Variants in PLEKHG7 observed in about 807,000 individuals in gnomAD.
PLEKHG7 encodes the protein pleckstrin homology domain-containing family G member 7.
A neutral mutation model predicts 85.2 loss-of-function variants in PLEKHG7; 77 were observed. The ratio of observed to expected loss-of-function variants is 0.90; its 90% confidence interval spans 0.75 to 1.09. The LOEUF (loss-of-function observed/expected upper bound fraction) is 1.09. Among genes scored for constraint, PLEKHG7 ranks in the 50% least tolerant of loss-of-function variants. PLEKHG7 has a pLI of 0.00. For missense variants in PLEKHG7, 777 were observed against 804.3 expected, an observed-to-expected ratio of 0.97 and a Z score of 0.41; for synonymous variants, 301 against 302.4, an observed-to-expected ratio of 1.00 and a Z score of 0.05.
chr12:92,763,569 C>A (rs1873097877), intron 14 of PLEKHG7, among the ~76,000 whole-genome samples: 1 of 152,096 alleles, frequency 6.6e-6, no homozygotes, highest in Admixed American at 6.5e-5. Flanking sequence ...AATCCCAGCA[C>A]TTTAGGAGGC....
At chr12:92,768,841 T>A (rs1873302506) in intron 15 of PLEKHG7, 142 bp from the exon 16 acceptor site, 3 of 540,768 alleles carry the variant, frequency 5.5e-6, no homozygotes, top group Non-Finnish European at 9.5e-6. Flanking sequence ...TAAAAAAAAA[T>A]TATAAGCTAG....
At chr12:92,721,702 C>CAAAA (rs71069170) in intron 3 of PLEKHG7, among the ~76,000 whole-genome samples, 1 of 43,368 alleles carries the variant, frequency 2.3e-5, no homozygotes, top group Non-Finnish European at 4.4e-5. Context: ...AGCATAAAAC[C>CAAAA]AAAAAAAAAA....
chr12:92,735,513 G>A (rs953147833), intron 5 of PLEKHG7, among the ~76,000 whole-genome samples: 2 of 152,112 alleles, frequency 1.3e-5, no homozygotes, highest in African/African-American at 2.4e-5. Context: ...TGCCAATATC[G>A]TGCACTCTGA....
chr12:92,745,340 T>C, intron 9 of PLEKHG7, 138 bp from the exon 10 acceptor site: 1 of 604,706 alleles, frequency 1.7e-6, no homozygotes, highest in South Asian at 2.1e-5. Context: ...CATGCAGTTG[T>C]GGCGCCTGCT....
intron 11 of PLEKHG7, 36 bp from the exon 12 acceptor site, chr12:92,755,789 C>A (rs773178997): frequency 1.5e-6 from 2 of 1,359,810 alleles, no homozygotes; most frequent in South Asian, 2.4e-5. Flanking sequence ...ATGTCATATG[C>A]ACCTAAAAAT....
chr12:92,715,055 G>A (rs2095156723), intron 3 of PLEKHG7, among the ~76,000 whole-genome samples: 1 of 150,188 alleles, frequency 6.7e-6, no homozygotes, highest in Admixed American at 6.6e-5. Context: ...TAGATAGATA[G>A]ATAGATAGAT....
At chr12:92,737,665 G>A (rs1056487508) in intron 7 of PLEKHG7, 144 bp downstream of exon 7, 12 of 598,856 alleles carry the variant, frequency 2.0e-5, no homozygotes, top group Non-Finnish European at 2.8e-5. Context: ...AGAAAGGAAG[G>A]AAGGAAAGGA....
intron 5 of PLEKHG7, among the ~76,000 whole-genome samples, chr12:92,735,714 A>ATAAGC (rs1210315336): frequency 6.6e-6 from 1 of 152,228 alleles, no homozygotes; most frequent in Non-Finnish European, 1.5e-5. Flanking sequence ...TGTTCACAAT[A>ATAAGC]TAAGCTTAAA....
Position 92,761,607 on chromosome 12 carries a change from A to AAAAGAAAGAAAGAAGAAAGAAAG in PLEKHG7, c.1637-131_1637-130insGAAAGAAAGAAAGAAAGAAAGAA, listed in dbSNP as rs1872997267. 3 of 1,022,406 alleles carry AAAAGAAAGAAAGAAGAAAGAAAG rather than the reference A, an allele frequency of 2.9e-6. No individual in the cohort carries two copies. The African/African-American group carries it at 5.5e-5, about 19-fold the overall frequency. The allele number at this position is 1,022,406 out of a possible 1,614,324, so 63.3% of individuals were successfully genotyped here. A position where few individuals can be genotyped will look rare whatever the true frequency, so the allele number is the denominator to read the frequency against. On this transcript the variant is annotated intron_variant, in intron 13 of 16. Coordinates refer to ENST00000344636, the MANE Select transcript of PLEKHG7 (RefSeq NM_001377329.1). ...AAGAGAGAATGAAAAGAAAGAAAGA[A>AAAAGAAAGAAAGAAGAAAGAAAG]AAAGAAAGAAAGAAAGAAGAAAGAA...
intron 14 of PLEKHG7, among the ~76,000 whole-genome samples, chr12:92,762,424 A>G (rs530726403): frequency 1.3e-5 from 2 of 152,232 alleles, no homozygotes; most frequent in Non-Finnish European, 2.9e-5. Flanking sequence ...AGACTAAATT[A>G]GTCAACTGGG....
chr12:92,736,382 C>A, intron 5 of PLEKHG7, 100 bp from the exon 6 acceptor site: 1 of 683,618 alleles, frequency 1.5e-6, no homozygotes, highest in Non-Finnish European at 2.1e-6. Context: ...CATCTCTTAT[C>A]ATGAATGTTA....
chr12:92,729,133 C>T lies in PLEKHG7; in HGVS notation c.658+13C>T, dbSNP rs766745910. The T allele has an allele frequency of 2.4e-6, 3 of 1,231,614 alleles. No individual in the cohort carries two copies. The highest frequency in any genetic ancestry group is 3.0e-6 in the Non-Finnish European group (3 of 987,680). 76.3% of individuals were successfully genotyped at this position (1,231,614 alleles called of 1,614,324 possible). On this transcript the variant is annotated intron_variant, in intron 4 of 16. Coordinates refer to ENST00000344636, the MANE Select transcript of PLEKHG7 (RefSeq NM_001377329.1). ...CTGCTGAATTCAGGTTCTGTTCATT[C>T]AGTATACTTTCATTCCATGCCCACT...
rs373132288 is a variant in PLEKHG7, at chr12:92,756,428, T to C, written c.1636+37T>C. 9 of 1,484,688 alleles carry C rather than the reference T, an allele frequency of 6.1e-6. No homozygotes were observed. The African/African-American group carries it at 1.2e-4, about 21-fold the overall frequency. The allele number at this position is 1,484,688 out of a possible 1,614,324, so 92.0% of individuals were successfully genotyped here. On this transcript the variant is annotated intron_variant, in intron 13 of 16. Coordinates refer to ENST00000344636, the MANE Select transcript of PLEKHG7 (RefSeq NM_001377329.1). ...CTTCCTTTAAAAAACCCAACATCTG[T>C]GCCGCCTTGTAACTTGTTTGACTGC...
At chr12:92,742,775 G>A (rs1007355032) in intron 9 of PLEKHG7, among the ~76,000 whole-genome samples, 1 of 151,758 alleles carries the variant, frequency 6.6e-6, no homozygotes, top group Non-Finnish European at 1.5e-5. Context: ...TAGTAGAGAT[G>A]GGGTTTCACC....
At chr12:92,750,249 G>A (rs1207863651) in intron 10 of PLEKHG7, among the ~76,000 whole-genome samples, 2 of 151,822 alleles carry the variant, frequency 1.3e-5, no homozygotes, top group Admixed American at 1.3e-4. Flanking sequence ...CAATAAAAAG[G>A]CCTTTTATGT....
chr12:92,723,000 A>G (rs533235330), intron 3 of PLEKHG7, among the ~76,000 whole-genome samples: 1 of 151,410 alleles, frequency 6.6e-6, no homozygotes, highest in East Asian at 1.9e-4. Context: ...TGGGTCGGAA[A>G]AGATTTATGG....
Position 92,761,845 on chromosome 12 carries a change from A to G in PLEKHG7, c.1716+14A>G. 1.9e-6 allele frequency: 3 copies of G among 1,558,636 alleles called. No homozygotes were observed. The South Asian group carries it at 3.7e-5, about 19-fold the overall frequency. On this transcript the variant is annotated intron_variant, in intron 14 of 16. Coordinates refer to ENST00000344636, the MANE Select transcript of PLEKHG7 (RefSeq NM_001377329.1). Reference sequence around the variant, plus strand: ...TGCAACAAAAAGGTAAAATGCTGCTATTTCAAAGTACGTTTCTAAACAAGT... The same window carrying G: ...TGCAACAAAAAGGTAAAATGCTGCTGTTTCAAAGTACGTTTCTAAACAAGT...
At chr12:92,743,812 G>A (rs190132422) in intron 9 of PLEKHG7, among the ~76,000 whole-genome samples, 147 of 152,148 alleles carry the variant, frequency 9.7e-4, no homozygotes, top group African/African-American at 3.0e-3. Flanking sequence ...CACCTGCCTC[G>A]GTCTCCCAAA....
At chr12:92,739,507 C>T (rs1872284672) in intron 7 of PLEKHG7, among the ~76,000 whole-genome samples, 2 of 152,196 alleles carry the variant, frequency 1.3e-5, no homozygotes, top group Admixed American at 1.3e-4. Context: ...AGAAACTGCA[C>T]AGAACTTTCT....
Sources: allele counts gnomAD v4.1 joint callset (sites outside exome capture counted in the v4.1 genomes callset), GRCh38; gene constraint gnomAD v4.1.1; transcripts MANE v1.5; gene names NCBI Gene and HGNC (gene_info 2026-07-23, HGNC 2026-07-21).